EFTUD2: variants seen among roughly 807,000 people sequenced by gnomAD.
The protein encoded by EFTUD2 is 116 kDa U5 small nuclear ribonucleoprotein component.
In EFTUD2, 9 loss-of-function variants were observed where a neutral mutation model predicts 114.3. That is an observed-to-expected ratio of 0.08 (90% CI 0.05 to 0.14). The LOEUF is 0.14. Among genes scored for constraint, EFTUD2 ranks in the 10% least tolerant of loss-of-function variants. The pLI is 1.00. For missense variants in EFTUD2, 765 were observed against 1,241.2 expected (o/e 0.62, Z 5.76); for synonymous variants, 449 against 462.3 (o/e 0.97, Z 0.37).
At chr17:44,866,705 C>T (rs996085681) in intron 13 of EFTUD2, among the ~76,000 whole-genome samples, 8 of 152,090 alleles carry the variant, frequency 5.3e-5, no homozygotes, top group African/African-American at 1.7e-4. Context: ...GGTTGCAAAG[C>T]GGTTCATTTT....
chr17:44,888,022 T>C (rs1038722955), intron 2 of EFTUD2, among the ~76,000 whole-genome samples: 1 of 151,964 alleles, frequency 6.6e-6, no homozygotes, highest in Admixed American at 6.6e-5. Context: ...GAAAAAGAGG[T>C]GCTACTGAAG....
chr17:44,857,000 G>A, intron 20 of EFTUD2, 75 bp downstream of exon 20: 1 of 1,230,732 alleles, frequency 8.1e-7, no homozygotes, highest in Non-Finnish European at 1.2e-6. Context: ...CTCATGGTGG[G>A]GGTAGAGGTG....
chr17:44,867,013 G>A (rs536464020), intron 13 of EFTUD2, among the ~76,000 whole-genome samples: 1 of 152,240 alleles, frequency 6.6e-6, no homozygotes, highest in African/African-American at 2.4e-5. Flanking sequence ...AGGCTGAGGT[G>A]GGAGGATTGC....
intron 16 of EFTUD2, among the ~76,000 whole-genome samples, chr17:44,861,262 T>G (rs978630008): frequency 6.6e-6 from 1 of 151,288 alleles, no homozygotes; most frequent in African/African-American, 2.4e-5. Flanking sequence ...CTGGCCAACA[T>G]GGTGAAAACT....
At chr17:44,873,424 C>T (rs953455239) in intron 10 of EFTUD2, among the ~76,000 whole-genome samples, 2 of 151,996 alleles carry the variant, frequency 1.3e-5, no homozygotes, top group African/African-American at 2.4e-5. Context: ...GGTACAATCA[C>T]CATTCACTGT....
At chr17:44,851,652 C>G in intron 27 of EFTUD2, 58 bp downstream of exon 27, 1 of 1,454,176 alleles carries the variant, frequency 6.9e-7, no homozygotes, top group Non-Finnish European at 9.2e-7. Context: ...AGAGAGAGAT[C>G]CTGCTTCTGA....
At position 44,863,754 on chromosome 17, in the gene EFTUD2, G is replaced by A. The variant is rs1272608947; in HGVS notation, c.1314C>T (p.Ile438=). The A allele has an allele frequency of 6.2e-7, 1 of 1,614,152 alleles. No homozygotes were observed. Among genetic ancestry groups the A allele is most frequent in the Non-Finnish European group, 8.5e-7 (1 of 1,179,986 alleles). ...TGFVDMCVQH[I]PSPKVGAKPK... ...GCTTGGCGCCCACCTTTGGAGAAGG[G>A]ATATGCTGCACACACATGTCCACAA... The change falls in exon 15 of 28, where the codon ATC becomes ATT. Residue 438 remains isoleucine, a synonymous_variant. Coordinates refer to ENST00000426333, the MANE Select transcript of EFTUD2 (RefSeq NM_004247.4).
intron 11 of EFTUD2, among the ~76,000 whole-genome samples, chr17:44,870,898 A>G (rs575513823): frequency 2.6e-5 from 4 of 152,104 alleles, no homozygotes; most frequent in Admixed American, 2.0e-4. Flanking sequence ...TGTACCTGTA[A>G]TCCCAGCTAC....
chr17:44,859,627 C>T (rs2050619088), intron 18 of EFTUD2: 11 of 547,954 alleles, frequency 2.0e-5, no homozygotes, highest in South Asian at 1.2e-4. Context: ...AAGACATCTG[C>T]GGAACACAAA....
chr17:44,890,950 T>G (rs190695930), intron 2 of EFTUD2, among the ~76,000 whole-genome samples: 2 of 152,134 alleles, frequency 1.3e-5, no homozygotes, highest in Admixed American at 1.3e-4. Context: ...CATATGAGAA[T>G]GTACACTGGA....
At chr17:44,894,096 C>G in intron 2 of EFTUD2, 1 of 210,750 alleles carries the variant, frequency 4.7e-6, no homozygotes, top group East Asian at 1.2e-4. Context: ...AAAGAGGGGG[C>G]TGGGCATGGT....
At chr17:44,863,933 G>A in intron 14 of EFTUD2, 151 bp from the exon 15 acceptor site, 2 of 1,011,298 alleles carry the variant, frequency 2.0e-6, no homozygotes, top group Non-Finnish European at 2.8e-6. Flanking sequence ...GTGATAGCCT[G>A]CTTCCTGGGA....
chr17:44,854,729 G>A lies in EFTUD2; in HGVS notation c.2133-47C>T, dbSNP rs1157745546. On this transcript the variant is annotated intron_variant, in intron 21 of 27. Transcript: ENST00000426333. This position sits in a 1 kb window ranked among gnomAD's most constrained non-coding sequence, Gnocchi z 4.3. ...GGAGCTGTCAGCCAGCTCTGTGATT[G>A]CTGGTCCTGGAGCCACAGACCCTCC... 1.9e-6 allele frequency: 3 copies of A among 1,598,188 alleles called. No homozygotes were observed. The highest frequency in any genetic ancestry group is 1.3e-5 in the African/African-American group (1 of 74,726).
chr17:44,852,917 G>T (rs1307488216), intron 25 of EFTUD2, among the ~76,000 whole-genome samples: 2 of 150,928 alleles, frequency 1.3e-5, no homozygotes, highest in African/African-American at 2.4e-5. Flanking sequence ...GCCTTGCTCT[G>T]TCGCCCAGGC....
At chr17:44,876,438 T>C (rs1471351898) in intron 9 of EFTUD2, among the ~76,000 whole-genome samples, 1 of 152,210 alleles carries the variant, frequency 6.6e-6, no homozygotes, top group Non-Finnish European at 1.5e-5. Flanking sequence ...TTTTAATATA[T>C]GTGTGTAGAA....
In EFTUD2 at chr17:44,862,667, C is replaced by G. The variant is rs749694637; in HGVS notation, c.1607+46G>C. On this transcript the variant is annotated intron_variant, in intron 16 of 27. Transcript: ENST00000426333. ...CCTTCCAGCTCCTTGGGGGCAGCCC[C>G]TGGATAGACACCAAGGCATACTCCT... 4 of 1,564,292 alleles carry G rather than the reference C, an allele frequency of 2.6e-6. No homozygotes were observed. The South Asian group carries it at 3.6e-5, about 14-fold the overall frequency.
chr17:44,876,941 C>G (rs1474620003), intron 9 of EFTUD2, among the ~76,000 whole-genome samples: 1 of 150,660 alleles, frequency 6.6e-6, no homozygotes, highest in Non-Finnish European at 1.5e-5. Context: ...ACCTGTAATC[C>G]CAGCATTTTG....
intron 11 of EFTUD2, among the ~76,000 whole-genome samples, chr17:44,870,518 G>A (rs187403353): frequency 1.4e-3 from 218 of 152,128 alleles, no homozygotes; most frequent in African/African-American, 5.2e-3. Context: ...TGAATGTCTC[G>A]GTTCCAATTA....
At chr17:44,865,229 C>G (rs2050723915) in intron 13 of EFTUD2, 164 bp from the exon 14 acceptor site, 1 of 940,040 alleles carries the variant, frequency 1.1e-6, no homozygotes, top group Middle Eastern at 3.4e-4. Flanking sequence ...TCAGCGGCAT[C>G]TCTGCTACCT....
Sources: allele counts gnomAD v4.1 joint callset (sites outside exome capture counted in the v4.1 genomes callset), GRCh38; gene constraint gnomAD v4.1.1; non-coding constraint Gnocchi (gnomAD v3.1); transcripts MANE v1.5; gene names NCBI Gene and HGNC (gene_info 2026-07-23, HGNC 2026-07-21).